ZRANB3: variants seen among roughly 807,000 people sequenced by gnomAD.
ZRANB3 encodes the protein zinc finger RANBP2-type containing 3.
ZRANB3 carries 125 observed loss-of-function variants against 133.8 expected under a neutral mutation model. That is an observed-to-expected ratio of 0.93 (90% confidence interval 0.81 to 1.08). ZRANB3 has a LOEUF of 1.08. ZRANB3 is among the 50% of genes least tolerant of loss of function. The pLI is 0.00. For synonymous variants in ZRANB3, 387 were observed against 432.7 expected (o/e 0.89, Z 1.31); for missense variants, 1,229 against 1,275.5 (o/e 0.96, Z 0.56).
chr2:135,279,337 A>G lies in ZRANB3; in HGVS notation c.967-3582T>C, dbSNP rs539810972. 1.4e-4 allele frequency among the ~76,000 whole-genome samples: 21 copies of G among 152,340 alleles called. No individual in the cohort carries two copies. In the South Asian group the frequency reaches 4.3e-3, roughly 32 times the overall value. Reference sequence around the variant, plus strand: ...GTTTTCTAAACCACAGAAATTCATCATACAATGAGAGTAGGGGCTGTTAAG... The same window carrying G: ...GTTTTCTAAACCACAGAAATTCATCGTACAATGAGAGTAGGGGCTGTTAAG... On this transcript the variant is annotated intron_variant, in intron 8 of 20. Transcript: ENST00000264159.
rs144995944 is a variant in ZRANB3, at chr2:135,403,054, T to C, written c.162-12234A>G. On this transcript the variant is annotated intron_variant, in intron 2 of 20. Transcript: ENST00000264159. ...ACGCAGAAGACGGGTGATTTCTGCA[T>C]TTCCAACTGAGGTACAAGGCTCATC... Among the ~76,000 whole-genome samples the C allele has an allele frequency of 2.0e-5, 3 of 152,240 alleles. No individual in the cohort carries two copies. In the East Asian group the frequency reaches 5.8e-4, roughly 29 times the overall value.
intron 8 of ZRANB3, among the ~76,000 whole-genome samples, chr2:135,279,753 A>C (rs1681010806): frequency 6.6e-6 from 1 of 152,182 alleles, no homozygotes. Context: ...CTAGTGCTTC[A>C]AAAAGGTTTA....
chr2:135,296,615 G>C (rs1446349392), intron 8 of ZRANB3, among the ~76,000 whole-genome samples: 1 of 152,118 alleles, frequency 6.6e-6, no homozygotes, highest in Admixed American at 6.5e-5. Flanking sequence ...TTGTTCTGTT[G>C]CTGGTGAGGA....
intron 6 of ZRANB3, among the ~76,000 whole-genome samples, chr2:135,323,909 A>C (rs532252159): frequency 6.6e-6 from 1 of 151,952 alleles, no homozygotes; most frequent in Non-Finnish European, 1.5e-5. Flanking sequence ...CTGAGATTAC[A>C]GGCATGCAAC....
At chr2:135,441,207 AAAG>A (rs1192565906) in intron 2 of ZRANB3, among the ~76,000 whole-genome samples, 2 of 152,224 alleles carry the variant, frequency 1.3e-5, no homozygotes, top group African/African-American at 4.8e-5. Flanking sequence ...AGATAGAGAC[AAAG>A]AAGAAATATT....
intron 20 of ZRANB3, 84 bp from the exon 21 acceptor site, chr2:135,200,524 T>C (rs1470873379): frequency 1.8e-5 from 21 of 1,174,202 alleles, no homozygotes; most frequent in Non-Finnish European, 2.4e-5. Flanking sequence ...TATTGTTAGT[T>C]TGGAAAATCT....
chr2:135,369,812 T>C (rs1573988126), intron 3 of ZRANB3, among the ~76,000 whole-genome samples: 1 of 152,182 alleles, frequency 6.6e-6, no homozygotes, highest in East Asian at 1.9e-4. Flanking sequence ...TCAATGCTGG[T>C]TTTCTACTTA....
chr2:135,317,897 G>A lies in ZRANB3; in HGVS notation c.678-2367C>T, dbSNP rs111636808. ...TAGAGCTTCGAATGCTAGTGGTGGC[G>A]TTTGTTCTAAAGAGTGGTGACAATA... On this transcript the variant is annotated intron_variant, in intron 6 of 20. Coordinates refer to ENST00000264159, the MANE Select transcript of ZRANB3 (RefSeq NM_032143.4). Among the ~76,000 whole-genome samples the A allele has an allele frequency of 3.0e-3, 458 of 152,192 alleles. 3 individuals carry two copies. Among genetic ancestry groups the A allele is most frequent in the African/African-American group, 0.01 (422 of 41,528 alleles).
At chr2:135,511,120 C>T (rs1693434617) in intron 1 of ZRANB3, 1 of 769,054 alleles carries the variant, frequency 1.3e-6, no homozygotes. Context: ...AGTACTTTAC[C>T]AACATAAGGA....
At chr2:135,206,199 G>T (rs969067130) in intron 19 of ZRANB3, among the ~76,000 whole-genome samples, 4 of 152,016 alleles carry the variant, frequency 2.6e-5, no homozygotes, top group African/African-American at 4.8e-5. Flanking sequence ...ATACTATGTG[G>T]GTGACATTTT....
chr2:135,433,735 G>A (rs1317552148), intron 2 of ZRANB3, among the ~76,000 whole-genome samples: 1 of 151,998 alleles, frequency 6.6e-6, no homozygotes, highest in African/African-American at 2.4e-5. Context: ...AGTGGCTCAC[G>A]CCTGTAATAC....
intron 2 of ZRANB3, among the ~76,000 whole-genome samples, chr2:135,417,200 C>T (rs1336036774): frequency 6.6e-6 from 1 of 151,968 alleles, no homozygotes; most frequent in Non-Finnish European, 1.5e-5. Flanking sequence ...GAAATTTTTG[C>T]AATCTATTCA....
intron 2 of ZRANB3, among the ~76,000 whole-genome samples, chr2:135,464,621 C>T (rs921920739): frequency 2.0e-5 from 3 of 152,170 alleles, no homozygotes; most frequent in African/African-American, 7.2e-5. Context: ...GAGGCTAGTC[C>T]TGCTTTGCAA....
intron 2 of ZRANB3, among the ~76,000 whole-genome samples, chr2:135,406,194 C>T (rs1031288159): frequency 6.6e-6 from 1 of 152,142 alleles, no homozygotes; most frequent in Non-Finnish European, 1.5e-5. Context: ...CTACAAACAC[C>T]TCTACACAAA....
chr2:135,450,157 T>C (rs544883707), intron 2 of ZRANB3, among the ~76,000 whole-genome samples: 7 of 152,188 alleles, frequency 4.6e-5, no homozygotes, highest in African/African-American at 1.4e-4. Context: ...TCTCTTGCAA[T>C]AGAAATTTTA....
chr2:135,457,814 A>T (rs1045076538), intron 2 of ZRANB3, among the ~76,000 whole-genome samples: 4 of 152,098 alleles, frequency 2.6e-5, no homozygotes, highest in Admixed American at 1.3e-4. Context: ...TATTCTTGAT[A>T]CAAGTCCCTT....
At chr2:135,249,437 C>T (rs549160453) in intron 12 of ZRANB3, among the ~76,000 whole-genome samples, 7 of 152,350 alleles carry the variant, frequency 4.6e-5, no homozygotes, top group Admixed American at 2.6e-4. Context: ...GATATAACGT[C>T]TTTTGTGGGA....
At chr2:135,219,008 G>T in intron 16 of ZRANB3, 69 bp downstream of exon 16, 2 of 1,076,058 alleles carry the variant, frequency 1.9e-6, no homozygotes, top group Middle Eastern at 3.1e-4. Flanking sequence ...AACTAAAAAT[G>T]ATCATTAAAA....
chr2:135,456,097 T>C (rs1178966904), intron 2 of ZRANB3, among the ~76,000 whole-genome samples: 1 of 152,228 alleles, frequency 6.6e-6, no homozygotes, highest in Non-Finnish European at 1.5e-5. Flanking sequence ...TTATTTTTTG[T>C]GAGAATTACA....
Sources: gnomAD v4.1 joint callset for allele counts (sites outside exome capture counted in the v4.1 genomes callset) on GRCh38, gnomAD v4.1.1 for gene constraint, MANE v1.5 for transcripts, NCBI Gene and HGNC (gene_info 2026-07-23, HGNC 2026-07-21) for gene names.